Variants in DLG2 observed in about 807,000 individuals in gnomAD.
DLG2 encodes discs large MAGUK scaffold protein 2, also known as disks large homolog 2.
In DLG2, 45 loss-of-function variants were observed where a neutral mutation model predicts 132.5. The observed-to-expected ratio is 0.34, with a 90% confidence interval of 0.27 to 0.44. DLG2 has a LOEUF of 0.44. Among genes scored for constraint, DLG2 ranks in the 20% least tolerant of loss-of-function variants. The pLI is 1.00. For synonymous variants in DLG2, 424 were observed against 419.6 expected (o/e 1.01, Z -0.13); for missense variants, 1,045 against 1,196.9 (o/e 0.87, Z 1.87).
At chr11:85,419,100 C>G (rs542358729) in intron 3 of DLG2, among the ~76,000 whole-genome samples, 1 of 152,292 alleles carries the variant, frequency 6.6e-6, no homozygotes, top group South Asian at 2.1e-4. Flanking sequence ...TTCAGGAACT[C>G]TTTTAAGGCC....
At position 83,722,011 on chromosome 11, in the gene DLG2, T is replaced by C. The variant is rs188487467; in HGVS notation, c.1825+64679A>G. The stretch of plus-strand genomic sequence containing the variant: ...AATACTTGCTCTGTATCACAAGTTA[T>C]ATGACTGACAAGAAGAAAAAGGCAA... On this transcript the variant is annotated intron_variant, in intron 18 of 27. Transcript: ENST00000376104. 3.3e-3 allele frequency among the ~76,000 whole-genome samples: 509 copies of C among 152,336 alleles called. 3 individuals are homozygous for C. Among genetic ancestry groups the C allele is most frequent in the Admixed American group, 6.5e-3 (99 of 15,296 alleles).
chr11:83,498,675 G>A (rs1415976033), intron 21 of DLG2, among the ~76,000 whole-genome samples: 17 of 132,994 alleles, frequency 1.3e-4, no homozygotes, highest in East Asian at 6.6e-4. Flanking sequence ...AAAGCAAGGA[G>A]AAAAAAAAAA....
intron 21 of DLG2, among the ~76,000 whole-genome samples, chr11:83,496,493 A>C (rs549391024): frequency 6.6e-6 from 1 of 152,298 alleles, no homozygotes; most frequent in Non-Finnish European, 1.5e-5. Flanking sequence ...TATGTCCACA[A>C]AAAGGTATCT....
At chr11:84,390,737 A>G (rs1170613032) in intron 7 of DLG2, among the ~76,000 whole-genome samples, 1 of 152,140 alleles carries the variant, frequency 6.6e-6, no homozygotes, top group Non-Finnish European at 1.5e-5. Flanking sequence ...TCATAAATAC[A>G]TTTGTGCACA....
intron 4 of DLG2, among the ~76,000 whole-genome samples, chr11:85,209,298 A>G (rs2082098482): frequency 6.6e-6 from 1 of 151,852 alleles, no homozygotes; most frequent in Non-Finnish European, 1.5e-5. Context: ...TTTTTTTTAG[A>G]TTTTTAGCAA....
intron 7 of DLG2, among the ~76,000 whole-genome samples, chr11:84,429,444 G>A (rs895158256): frequency 6.6e-6 from 1 of 152,122 alleles, no homozygotes; most frequent in African/African-American, 2.4e-5. Flanking sequence ...CTCTAATCTG[G>A]TCTTAATTCC....
At chr11:84,650,871 G>GTATATATATATATATATATA (rs1398321637) in intron 6 of DLG2, among the ~76,000 whole-genome samples, 5 of 124,638 alleles carry the variant, frequency 4.0e-5, no homozygotes, top group African/African-American at 1.4e-4. Context: ...GTGTGTGTGT[G>GTATATATATATATATATATA]TGTATATATA....
chr11:84,838,711 C>G (rs1210009839), intron 6 of DLG2, among the ~76,000 whole-genome samples: 1 of 152,008 alleles, frequency 6.6e-6, no homozygotes, highest in Non-Finnish European at 1.5e-5. Flanking sequence ...CAAACGTAAT[C>G]CATCACATAA....
intron 3 of DLG2, among the ~76,000 whole-genome samples, chr11:85,414,449 G>T (rs910071039): frequency 6.6e-6 from 1 of 151,882 alleles, no homozygotes; most frequent in Non-Finnish European, 1.5e-5. Flanking sequence ...AAGAGAGGTG[G>T]TCTGAAAGAG....
chr11:83,791,976 T>A (rs1410962307), intron 17 of DLG2, among the ~76,000 whole-genome samples: 1 of 152,252 alleles, frequency 6.6e-6, no homozygotes, highest in Non-Finnish European at 1.5e-5. Context: ...GCCTTTTTAT[T>A]TAACTGAATA....
chr11:84,377,876 C>G (rs1287454844), intron 7 of DLG2, among the ~76,000 whole-genome samples: 2 of 152,168 alleles, frequency 1.3e-5, no homozygotes, highest in East Asian at 3.8e-4. Context: ...CTGGGGACAT[C>G]TGCCATTCAC....
chr11:84,366,700 C>G (rs1390927889), intron 7 of DLG2, among the ~76,000 whole-genome samples: 1 of 151,964 alleles, frequency 6.6e-6, no homozygotes, highest in East Asian at 1.9e-4. Flanking sequence ...CAACAAAGAT[C>G]AAAAGAGATA....
chr11:85,066,900 T>G (rs530987146), intron 6 of DLG2, among the ~76,000 whole-genome samples: 1 of 151,830 alleles, frequency 6.6e-6, no homozygotes, highest in Non-Finnish European at 1.5e-5. Flanking sequence ...TTACCACTTC[T>G]ATTTAACACA....
rs565933205 is a variant in DLG2, at chr11:84,226,884, G to A, written c.573+24354C>T. Among the ~76,000 whole-genome samples the A allele has an allele frequency of 2.6e-5, 4 of 151,922 alleles. No individual in the cohort carries two copies. The East Asian group carries it at 7.8e-4, about 29-fold the overall frequency. ...AGGCGGCACATGAGGTCAGGAGATC[G>A]AGACCATCCTGGCCAACATGGTGAA... is the stretch of plus-strand genomic sequence containing the variant. On this transcript the variant is annotated intron_variant, in intron 8 of 27. Coordinates refer to ENST00000376104, the MANE Select transcript of DLG2 (RefSeq NM_001142699.3).
intron 6 of DLG2, among the ~76,000 whole-genome samples, chr11:84,703,887 CGTGTGTGTGTGTGTGT>C (rs370287195): frequency 8.7e-6 from 1 of 114,722 alleles, no homozygotes; most frequent in African/African-American, 3.6e-5. Flanking sequence ...TATATATACA[CGTGTGTGTGTGTGTGT>C]GTGTGTGTGT....
At chr11:83,859,219 G>T (rs997429833) in intron 16 of DLG2, among the ~76,000 whole-genome samples, 2 of 152,214 alleles carry the variant, frequency 1.3e-5, no homozygotes, top group Non-Finnish European at 2.9e-5. Flanking sequence ...AAATGTGGAA[G>T]TGACTTTGGA....
chr11:84,092,841 GC>G (rs973085018), intron 10 of DLG2, among the ~76,000 whole-genome samples: 1 of 151,966 alleles, frequency 6.6e-6, no homozygotes, highest in Non-Finnish European at 1.5e-5. Flanking sequence ...TTCGAGACAA[GC>G]CTGGCCAACA....
intron 20 of DLG2, among the ~76,000 whole-genome samples, chr11:83,533,807 T>C (rs538010416): frequency 7.2e-5 from 11 of 152,304 alleles, no homozygotes; most frequent in Admixed American, 6.5e-4. Context: ...CTTGAGTTTT[T>C]TTCCTTGGGA....
chr11:84,765,404 C>T (rs769350564), intron 6 of DLG2, among the ~76,000 whole-genome samples: 7 of 152,068 alleles, frequency 4.6e-5, no homozygotes, highest in Non-Finnish European at 1.0e-4. Flanking sequence ...GATAATTAGA[C>T]ATCTGATAGT....
Sources: gnomAD v4.1 joint callset for allele counts (sites outside exome capture counted in the v4.1 genomes callset) on GRCh38, gnomAD v4.1.1 for gene constraint, MANE v1.5 for transcripts, NCBI Gene and HGNC (gene_info 2026-07-23, HGNC 2026-07-21) for gene names.